Variants in CCDC186 observed in about 807,000 individuals in gnomAD.
CCDC186 encodes the protein coiled-coil domain containing 186.
A neutral mutation model predicts 113.7 loss-of-function variants in CCDC186; 49 were observed. The ratio of observed to expected loss-of-function variants is 0.43; its 90% CI spans 0.34 to 0.55. The LOEUF is 0.55. Among genes scored for constraint, CCDC186 ranks in the 20% least tolerant of loss-of-function variants. The pLI, the probability that CCDC186 is intolerant of heterozygous loss-of-function variation, is 0.02. For missense variants in CCDC186, 890 were observed against 1,011.1 expected (o/e 0.88, Z 1.62); for synonymous variants, 355 against 345.8 (o/e 1.03, Z -0.30).
At chr10:114,171,755 T>C (rs1249700702) in intron 1 of CCDC186, among the ~76,000 whole-genome samples, 2 of 152,208 alleles carry the variant, frequency 1.3e-5, no homozygotes, top group Non-Finnish European at 2.9e-5. Flanking sequence ...CGGTAGACAT[T>C]ACATAGTCTA....
At chr10:114,153,279 A>C (rs539442482) in intron 3 of CCDC186, among the ~76,000 whole-genome samples, 22 of 152,358 alleles carry the variant, frequency 1.4e-4, no homozygotes, top group African/African-American at 5.1e-4. Flanking sequence ...CCATAATGGA[A>C]TGAGACCTCA....
Position 114,126,114 on chromosome 10 carries a change from C to T in CCDC186, c.2394-9G>A, listed in dbSNP as rs1020973667. On this transcript the variant is annotated splice_polypyrimidine_tract_variant and intron_variant, in intron 14 of 15. Transcript: ENST00000369287. ...TATAACTTTGAATTATTCTGCAAAACAAAATGATAGTATCAGTTGTGTACT... is the reference window on the plus strand; with the variant it reads ...TATAACTTTGAATTATTCTGCAAAATAAAATGATAGTATCAGTTGTGTACT... 5 of 1,607,636 alleles carry T rather than the reference C, an allele frequency of 3.1e-6. No individual in the cohort carries two copies. Among genetic ancestry groups the T allele is most frequent in the South Asian group, 1.1e-5 (1 of 90,892 alleles).
At chr10:114,143,645 C>T (rs2031545893) in intron 6 of CCDC186, among the ~76,000 whole-genome samples, 1 of 152,128 alleles carries the variant, frequency 6.6e-6, no homozygotes, top group South Asian at 2.1e-4. Context: ...ACTATTCCTC[C>T]TACAGTTTTC....
chr10:114,126,653 C>T (rs910272669), intron 14 of CCDC186, among the ~76,000 whole-genome samples: 1 of 152,246 alleles, frequency 6.6e-6, no homozygotes, highest in Non-Finnish European at 1.5e-5. Flanking sequence ...CCATACCTAG[C>T]TGAGCAATTT....
At chr10:114,173,879 G>GCTCGAC (rs1455082985) in intron 1 of CCDC186, 136 bp downstream of exon 1, 4 of 360,272 alleles carry the variant, frequency 1.1e-5, no homozygotes, top group South Asian at 5.8e-5. Context: ...CGGGGAGCCC[G>GCTCGAC]CTCGACCTCG....
At chr10:114,145,867 T>C in intron 4 of CCDC186, 106 bp from the exon 5 acceptor site, 1 of 1,055,338 alleles carries the variant, frequency 9.5e-7, no homozygotes, top group Non-Finnish European at 1.3e-6. Flanking sequence ...ATTGTTTGGT[T>C]TTTGCACAAC....
intron 1 of CCDC186, 24 bp downstream of exon 1, chr10:114,173,991 C>T: frequency 2.1e-6 from 1 of 468,936 alleles, no homozygotes. Flanking sequence ...ACCGGTGTGC[C>T]CCGAGTACCC....
intron 6 of CCDC186, among the ~76,000 whole-genome samples, chr10:114,138,572 C>T (rs1407653228): frequency 1.3e-5 from 2 of 152,038 alleles, no homozygotes; most frequent in Non-Finnish European, 2.9e-5. Context: ...ACTGATGCTG[C>T]AATTTGGTTT....
chr10:114,136,234 T>C lies in CCDC186; in HGVS notation c.1339A>G (p.Ile447Val), dbSNP rs1258795177. ...TTTGCATCAAGCTCATTTGATTTAA[T>C]TTCTTCTGACTCCTAGTGGAAAGAA... ...MIKTYQESEEIKSNELDAKLR... is the reference protein window; with the variant it reads ...MIKTYQESEEVKSNELDAKLR... The change falls in exon 8 of 16, where the codon ATT (isoleucine) becomes GTT (valine). Residue 447 changes from isoleucine (I) to valine (V), a missense_variant. Coordinates refer to ENST00000369287, the MANE Select transcript of CCDC186 (RefSeq NM_018017.4). 6.2e-7 allele frequency: 1 copy of C among 1,611,060 alleles called. No individual in the cohort carries two copies. The highest frequency in any genetic ancestry group is 1.1e-5 in the South Asian group (1 of 90,950).
intron 1 of CCDC186, among the ~76,000 whole-genome samples, chr10:114,171,788 C>T (rs1326320557): frequency 6.6e-6 from 1 of 152,130 alleles, no homozygotes; most frequent in African/African-American, 2.4e-5. Flanking sequence ...ATTATCAGTT[C>T]AAGTGTCTTA....
intron 9 of CCDC186, among the ~76,000 whole-genome samples, chr10:114,135,664 CTG>C (rs1052439279): frequency 5.3e-5 from 8 of 152,294 alleles, no homozygotes; most frequent in African/African-American, 1.9e-4. Context: ...AGCAAATGTG[CTG>C]TGAAATAGTA....
chr10:114,166,360 G>C (rs534696712), intron 1 of CCDC186, among the ~76,000 whole-genome samples: 3 of 152,250 alleles, frequency 2.0e-5, no homozygotes, highest in South Asian at 4.1e-4. Flanking sequence ...AGGTCTATCT[G>C]AAGTCTATGT....
intron 1 of CCDC186, among the ~76,000 whole-genome samples, chr10:114,171,769 A>G (rs1258391884): frequency 6.6e-6 from 1 of 152,208 alleles, no homozygotes; most frequent in Non-Finnish European, 1.5e-5. Context: ...TAGTCTACAT[A>G]ATCCCACAAT....
chr10:114,129,035 G>A (rs1014716331), intron 13 of CCDC186, among the ~76,000 whole-genome samples: 1 of 152,182 alleles, frequency 6.6e-6, no homozygotes, highest in Non-Finnish European at 1.5e-5. Context: ...GGGCGCGGAG[G>A]CTCAAGCCTG....
At chr10:114,140,552 C>T (rs1355590528) in intron 6 of CCDC186, among the ~76,000 whole-genome samples, 1 of 152,048 alleles carries the variant, frequency 6.6e-6, no homozygotes, top group Non-Finnish European at 1.5e-5. Context: ...TCTGGAGTTG[C>T]CTTAAGTCGT....
In CCDC186 at chr10:114,134,627, A is replaced by G. The variant is rs572240844; in HGVS notation, c.1655+286T>C. Among the ~76,000 whole-genome samples, 13 of 152,348 alleles carry G rather than the reference A, an allele frequency of 8.5e-5. No homozygotes were observed. In the South Asian group the frequency reaches 2.3e-3, roughly 27 times the overall value. ...TTAGAAGAAAAAGTAAACACTGTGC[A>G]TAAGTAACAGAATTTGAAAGCTAAG... On this transcript the variant is annotated intron_variant, in intron 10 of 15. Coordinates refer to ENST00000369287, the MANE Select transcript of CCDC186 (RefSeq NM_018017.4).
In CCDC186 at chr10:114,136,218, A is replaced by G. The variant is rs1481286128; in HGVS notation, c.1355T>C (p.Leu452Pro). 2 of 1,611,934 alleles carry G rather than the reference A, an allele frequency of 1.2e-6. No individual in the cohort carries two copies. The highest frequency in any genetic ancestry group is 1.7e-6 in the Non-Finnish European group (2 of 1,179,752). Reference protein sequence around the residue: ...QESEEIKSNELDAKLRVTKGE... With the variant: ...QESEEIKSNEPDAKLRVTKGE... ...TTTTGTGACTCTAAGCTTTGCATCAAGCTCATTTGATTTAATTTCTTCTGA... is the reference window on the plus strand; with the variant it reads ...TTTTGTGACTCTAAGCTTTGCATCAGGCTCATTTGATTTAATTTCTTCTGA... The change falls in exon 8 of 16, where the codon CTT becomes CCT. Residue 452 changes from leucine (L) to proline (P), a missense_variant. Transcript: ENST00000369287.
Position 114,163,132 on chromosome 10 carries a change from G to A in CCDC186, c.137C>T (p.Ser46Leu). Residue 46 changes from serine (S) to leucine (L), a missense_variant, in exon 2 of 16, where the codon TCA becomes TTA. Physicochemically the swap from Ser to Leu is moderately radical, Grantham distance 145 (BLOSUM62 -2). Transcript: ENST00000369287. ...SKLENESKLL[S>L]LNTDKTLCQP... is the part of the protein sequence containing the mutation. ...ACATAAAGTTTTATCAGTGTTTAATGACAATAGTTTGGACTCATTTTCTAA... is the reference window on the plus strand; with the variant it reads ...ACATAAAGTTTTATCAGTGTTTAATAACAATAGTTTGGACTCATTTTCTAA... 6.2e-7 allele frequency: 1 copy of A among 1,613,912 alleles called. No individual in the cohort carries two copies. Among genetic ancestry groups the A allele is most frequent in the Non-Finnish European group, 8.5e-7 (1 of 1,179,940 alleles).
chr10:114,151,831 G>T (rs1298279328), intron 3 of CCDC186, among the ~76,000 whole-genome samples: 2 of 152,130 alleles, frequency 1.3e-5, no homozygotes, highest in Non-Finnish European at 2.9e-5. Context: ...TAGTGATGCT[G>T]GCAATTCACA....
Sources: allele counts gnomAD v4.1 joint callset (sites outside exome capture counted in the v4.1 genomes callset), GRCh38; gene constraint gnomAD v4.1.1; transcripts MANE v1.5; gene names NCBI Gene and HGNC (gene_info 2026-07-23, HGNC 2026-07-21).